IQCH: variants seen among roughly 807,000 people sequenced by gnomAD.
IQCH encodes IQ domain-containing protein H.
IQCH carries 98 observed loss-of-function variants against 117.0 expected under a neutral mutation model. The observed-to-expected ratio is 0.84, with a 90% CI of 0.71 to 0.99. The LOEUF is 0.99. Ranked by LOEUF, IQCH falls within the 50% of genes least tolerant of loss-of-function variation. The probability of loss-of-function intolerance (pLI) is 0.00; values close to 1 mark genes in which losing one functional copy is unlikely to be tolerated. For missense variants in IQCH, 1,102 were observed against 1,243.8 expected, an observed-to-expected ratio of 0.89 and a Z score of 1.72; for synonymous variants, 412 against 448.2, an observed-to-expected ratio of 0.92 and a Z score of 1.02.
chr15:67,372,625 G>A lies in IQCH; in HGVS notation c.1268G>A (p.Arg423His), dbSNP rs112527583. 181 of 1,610,668 alleles carry A rather than the reference G, an allele frequency of 1.1e-4. 1 individual carries two copies. The highest frequency in any genetic ancestry group is 2.4e-4 in the African/African-American group (18 of 74,852). ...TRLKKILKESRQRHLENFRIR... is the reference protein window; with the variant it reads ...TRLKKILKESHQRHLENFRIR... Reference sequence around the variant, plus strand: ...CTAAAGAAGATACTAAAGGAATCACGTCAGAGACACCTGGAGAATTTTCGC... The same window carrying A: ...CTAAAGAAGATACTAAAGGAATCACATCAGAGACACCTGGAGAATTTTCGC... The change falls in exon 9 of 21, where the codon CGT becomes CAT. Residue 423 changes from arginine to histidine, a missense_variant. Arg to His is a conservative substitution (Grantham distance 29). Around this residue, in one of 2 missense-constraint regions of IQCH, gnomAD observed 650 missense variants for 794.3 expected, o/e 0.82. Transcript: ENST00000335894.
intron 16 of IQCH, among the ~76,000 whole-genome samples, chr15:67,449,318 G>A (rs1212373851): frequency 6.6e-6 from 1 of 152,150 alleles, no homozygotes; most frequent in African/African-American, 2.4e-5. Context: ...GTCCTGAATG[G>A]TATTGCCTAG....
chr15:67,448,731 T>C (rs908696890), intron 16 of IQCH, among the ~76,000 whole-genome samples: 1 of 152,182 alleles, frequency 6.6e-6, no homozygotes, highest in Admixed American at 6.6e-5. Context: ...ATCCTTTGGG[T>C]ATGATATACC....
chr15:67,464,669 G>T (rs1419437973), intron 16 of IQCH, among the ~76,000 whole-genome samples: 1 of 152,112 alleles, frequency 6.6e-6, no homozygotes, highest in African/African-American at 2.4e-5. Flanking sequence ...CTCCCAGAGG[G>T]GCTGTCACTG....
chr15:67,296,031 A>G (rs1380965155), intron 4 of IQCH, among the ~76,000 whole-genome samples: 3 of 152,164 alleles, frequency 2.0e-5, no homozygotes, highest in East Asian at 3.9e-4. Context: ...TATTTAGAGC[A>G]TTTAGGGCAA....
intron 4 of IQCH, among the ~76,000 whole-genome samples, chr15:67,284,366 G>T (rs1481352672): frequency 6.6e-6 from 1 of 152,164 alleles, no homozygotes; most frequent in African/African-American, 2.4e-5. Flanking sequence ...TGTAGTAAAT[G>T]ACAAGATCTC....
chr15:67,345,444 C>T (rs908030166), intron 6 of IQCH, among the ~76,000 whole-genome samples: 8 of 152,160 alleles, frequency 5.3e-5, no homozygotes, highest in Non-Finnish European at 8.8e-5. Flanking sequence ...GAGAAACCTG[C>T]AAACCCTGCC....
chr15:67,487,631 C>A (rs1277573186), intron 18 of IQCH, among the ~76,000 whole-genome samples: 1 of 152,008 alleles, frequency 6.6e-6, no homozygotes, highest in Non-Finnish European at 1.5e-5. Context: ...CGCCCATGGC[C>A]CACCCGAGAC....
chr15:67,463,456 G>A lies in IQCH; in HGVS notation c.2506-1671G>A, dbSNP rs182719861. On this transcript the variant is annotated intron_variant, in intron 16 of 20. Coordinates refer to ENST00000335894, the MANE Select transcript of IQCH (RefSeq NM_001031715.3). This position sits in a 1 kb window ranked among gnomAD's most constrained non-coding sequence, Gnocchi z 4.0. ...GGCCAGAATCAGGGAATGGGAAGAA[G>A]GTAGACTTGGAGCCAGGTAGAATTG... Among the ~76,000 whole-genome samples the A allele has an allele frequency of 5.7e-4, 87 of 152,308 alleles. 6 individuals carry two copies. In the East Asian group the frequency reaches 5.8e-3, roughly 10 times the overall value.
intron 17 of IQCH, among the ~76,000 whole-genome samples, chr15:67,468,837 T>C (rs1247308905): frequency 6.6e-6 from 1 of 152,244 alleles, no homozygotes; most frequent in Admixed American, 6.5e-5. Context: ...CTCAGAATAT[T>C]ATAAACATGA....
chr15:67,331,998 A>C (rs1968687607), intron 4 of IQCH, among the ~76,000 whole-genome samples: 1 of 152,218 alleles, frequency 6.6e-6, no homozygotes, highest in African/African-American at 2.4e-5. Context: ...ACATGTACTC[A>C]GCTAAAACTC....
Position 67,463,316 on chromosome 15 carries a change from C to T in IQCH, c.2506-1811C>T, listed in dbSNP as rs2082844375. ...ATACTCCAGAAATACTTCATGTTTTCTCCACAAGACATTTTCATGGCATGT... is the reference window on the plus strand; with the variant it reads ...ATACTCCAGAAATACTTCATGTTTTTTCCACAAGACATTTTCATGGCATGT... On this transcript the variant is annotated intron_variant, in intron 16 of 20. Transcript: ENST00000335894. The surrounding 1 kb of genome is among the most constrained non-coding windows in gnomAD (Gnocchi z 4.0). Among the ~76,000 whole-genome samples, 1 of 152,190 alleles carries T rather than the reference C, an allele frequency of 6.6e-6. No homozygotes were observed. The highest frequency in any genetic ancestry group is 2.4e-5 in the African/African-American group (1 of 41,446).
intron 4 of IQCH, among the ~76,000 whole-genome samples, chr15:67,287,386 G>A (rs1966602261): frequency 6.6e-6 from 1 of 152,074 alleles, no homozygotes; most frequent in Admixed American, 6.6e-5. Flanking sequence ...TCAACAGTGA[G>A]GTCATCGGGT....
Position 67,369,086 on chromosome 15 carries a change from A to G in IQCH, c.754-3025A>G, listed in dbSNP as rs192551687. On this transcript the variant is annotated intron_variant, in intron 8 of 20. Coordinates refer to ENST00000335894, the MANE Select transcript of IQCH (RefSeq NM_001031715.3). This position sits in a 1 kb window ranked among gnomAD's most constrained non-coding sequence, Gnocchi z 5.2. ...AATTTTAGAATGCAACACTGGGTCT[A>G]TCTTTTTTGCTTAACATCTGTGACT... Among the ~76,000 whole-genome samples, 22 of 152,262 alleles carry G rather than the reference A, an allele frequency of 1.4e-4. No homozygotes were observed. Among genetic ancestry groups the G allele is most frequent in the Admixed American group, 1.4e-3 (21 of 15,298 alleles).
chr15:67,489,871 T>G, intron 18 of IQCH, 132 bp from the exon 19 acceptor site: 1 of 744,626 alleles, frequency 1.3e-6, no homozygotes, highest in South Asian at 1.5e-5. Context: ...AAATGTGTTC[T>G]CATAATATCT....
At chr15:67,398,542 A>G (rs1427651907) in intron 13 of IQCH, among the ~76,000 whole-genome samples, 1 of 152,170 alleles carries the variant, frequency 6.6e-6, no homozygotes, top group Non-Finnish European at 1.5e-5. Context: ...TGAGGTTTCC[A>G]GAGAACCCAA....
intron 18 of IQCH, among the ~76,000 whole-genome samples, chr15:67,484,955 AAAAG>A (rs2083435940): frequency 6.6e-6 from 1 of 152,076 alleles, no homozygotes; most frequent in African/African-American, 2.4e-5. Flanking sequence ...AAAGGGGAAA[AAAAG>A]AAAAAGATCC....
chr15:67,345,249 C>T (rs1969337792), intron 6 of IQCH, among the ~76,000 whole-genome samples: 1 of 152,168 alleles, frequency 6.6e-6, no homozygotes, highest in Non-Finnish European at 1.5e-5. Flanking sequence ...CCTTGGCCTA[C>T]CAAAGTGCTG....
Position 67,395,259 on chromosome 15 carries a change from C to G in IQCH, c.1633-32C>G. On this transcript the variant is annotated intron_variant, in intron 12 of 20. Transcript: ENST00000335894. This position sits in a 1 kb window ranked among gnomAD's most constrained non-coding sequence, Gnocchi z 4.0. Reference sequence around the variant, plus strand: ...GTGTATGGACTAGAAAAAAGGACACCTTTTAACAAGAATAATATGATCTTC... The same window carrying G: ...GTGTATGGACTAGAAAAAAGGACACGTTTTAACAAGAATAATATGATCTTC... The G allele has an allele frequency of 1.3e-6, 2 of 1,593,966 alleles. No homozygotes were observed. The highest frequency in any genetic ancestry group is 1.7e-6 in the Non-Finnish European group (2 of 1,169,414).
At position 67,481,035 on chromosome 15, in the gene IQCH, A is replaced by G. The variant is rs1270641266; in HGVS notation, c.2799+5217A>G. On this transcript the variant is annotated intron_variant, in intron 18 of 20. Coordinates refer to ENST00000335894, the MANE Select transcript of IQCH (RefSeq NM_001031715.3). This position sits in a 1 kb window ranked among gnomAD's most constrained non-coding sequence, Gnocchi z 4.1. ...AAACCTCAAAAATGAGACTTTTAAA[A>G]ATTGAAGAGGCATTTATTTACACAA... Among the ~76,000 whole-genome samples the G allele has an allele frequency of 6.6e-6, 1 of 152,182 alleles. No homozygotes were observed. Among genetic ancestry groups the G allele is most frequent in the Non-Finnish European group, 1.5e-5 (1 of 68,030 alleles).
Sources: allele counts gnomAD v4.1 joint callset (sites outside exome capture counted in the v4.1 genomes callset), GRCh38; gene constraint gnomAD v4.1.1; regional missense constraint gnomAD v4.1.1; non-coding constraint Gnocchi (gnomAD v3.1); transcripts MANE v1.5; gene names NCBI Gene and HGNC (gene_info 2026-07-23, HGNC 2026-07-21).